CIAPIN1: variants seen among roughly 807,000 people sequenced by gnomAD.
CIAPIN1 encodes the protein cytokine induced apoptosis inhibitor 1.
Under a neutral mutation model 34.3 loss-of-function variants are expected in CIAPIN1, and 18 were observed. That is an observed-to-expected ratio of 0.52 (90% CI 0.36 to 0.78). The LOEUF (loss-of-function observed/expected upper bound fraction) is 0.78, where lower values mean the gene tolerates loss of function less well. CIAPIN1 is among the 30% of genes least tolerant of loss of function. CIAPIN1 has a pLI of 0.00. For missense variants in CIAPIN1, 310 were observed against 372.5 expected (o/e 0.83, Z 1.38); for synonymous variants, 131 against 140.4 (o/e 0.93, Z 0.47).
intron 6 of CIAPIN1, 61 bp from the exon 7 acceptor site, chr16:57,431,327 G>A: frequency 8.7e-7 from 1 of 1,147,848 alleles, no homozygotes; most frequent in South Asian, 1.3e-5. Context: ...AAAAGCTAAA[G>A]TGACTGCAGG....
intron 8 of CIAPIN1, 40 bp downstream of exon 8, chr16:57,430,218 T>C (rs1903056101): frequency 1.3e-6 from 2 of 1,561,050 alleles, no homozygotes; most frequent in African/African-American, 1.4e-5. Flanking sequence ...CTAATCCCCC[T>C]GGGGGTTTGT....
At chr16:57,439,154 C>T in intron 3 of CIAPIN1, 28 bp downstream of exon 3, 1 of 1,611,884 alleles carries the variant, frequency 6.2e-7, no homozygotes, top group Non-Finnish European at 8.5e-7. Flanking sequence ...CCCTGTCAAA[C>T]ATGTTTTCCA....
At chr16:57,443,140 T>G (rs1393006993) in intron 1 of CIAPIN1, among the ~76,000 whole-genome samples, 2 of 146,250 alleles carry the variant, frequency 1.4e-5, no homozygotes, top group African/African-American at 5.4e-5. Flanking sequence ...TTTGTTTTTT[T>G]TTTTTTTTTG....
intron 7 of CIAPIN1, among the ~76,000 whole-genome samples, chr16:57,430,911 C>A (rs1011229684): frequency 6.6e-6 from 1 of 151,968 alleles, no homozygotes; most frequent in Non-Finnish European, 1.5e-5. Flanking sequence ...CGGCTCACTG[C>A]AGCCTCGACC....
chr16:57,437,708 T>A (rs935079317), intron 3 of CIAPIN1, among the ~76,000 whole-genome samples: 1 of 151,986 alleles, frequency 6.6e-6, no homozygotes, highest in African/African-American at 2.4e-5. Flanking sequence ...GTATTTTTTG[T>A]AGAGACGGGG....
chr16:57,439,678 C>T (rs550991779), intron 2 of CIAPIN1, among the ~76,000 whole-genome samples: 9 of 152,206 alleles, frequency 5.9e-5, no homozygotes, highest in Non-Finnish European at 1.0e-4. Context: ...TAATTTCTTA[C>T]GCCTGTCTTT....
chr16:57,436,761 C>T, intron 3 of CIAPIN1, 29 bp from the exon 4 acceptor site: 1 of 1,582,864 alleles, frequency 6.3e-7, no homozygotes, highest in Non-Finnish European at 8.7e-7. Context: ...CAATTAATAG[C>T]TTTATAGTTC....
rs188138974 is a variant in CIAPIN1, at chr16:57,439,574, C to A, written c.158-240G>T. On this transcript the variant is annotated intron_variant, in intron 2 of 8. Transcript: ENST00000394391. ...AAGCTCTGCTGCAGGAAGTGAGGGA[C>A]CCCAAACGGAGGGACCGGCTGAAGC... 1.7e-4 allele frequency among the ~76,000 whole-genome samples: 26 copies of A among 152,340 alleles called. No homozygotes were observed. The East Asian group carries it at 5.0e-3, about 29-fold the overall frequency.
intron 8 of CIAPIN1, among the ~76,000 whole-genome samples, chr16:57,429,706 A>C (rs1209989422): frequency 6.6e-6 from 1 of 151,704 alleles, no homozygotes; most frequent in Admixed American, 6.6e-5. Context: ...GTTAGCCAGG[A>C]TGGTCTCGAT....
rs17375948 is a variant in CIAPIN1 at position 57,436,652 on chromosome 16, G to C, written c.387+4C>G. The C allele has an allele frequency of 0.052, 83,778 of 1,609,678 alleles. 2,558 individuals carry two copies. Among genetic ancestry groups the C allele is most frequent in the Middle Eastern group, 0.07 (422 of 6,046 alleles). The stretch of plus-strand genomic sequence containing the variant: ...GCAGCAAAGAAAGTTGTCTACAAAC[G>C]TACCTCTTTCACTTCCACAAGACCA... On this transcript the variant is annotated splice_donor_region_variant and intron_variant, in intron 4 of 8. Transcript: ENST00000394391.
chr16:57,439,851 G>A (rs932620963), intron 2 of CIAPIN1, among the ~76,000 whole-genome samples: 2 of 152,118 alleles, frequency 1.3e-5, no homozygotes, highest in African/African-American at 4.8e-5. Context: ...TGATGATTGC[G>A]TTAACTGCAC....
At chr16:57,445,957 C>A (rs1463044972) in intron 1 of CIAPIN1, among the ~76,000 whole-genome samples, 6 of 150,548 alleles carry the variant, frequency 4.0e-5, no homozygotes, top group African/African-American at 1.2e-4. Context: ...GCGATTCTCC[C>A]GCCTCAGCCT....
chr16:57,432,320 A>G (rs1441240963), intron 6 of CIAPIN1, among the ~76,000 whole-genome samples, 167 bp downstream of exon 6: 1 of 151,764 alleles, frequency 6.6e-6, no homozygotes, highest in East Asian at 1.9e-4. Flanking sequence ...CCAAAAAAAA[A>G]GCCACCAACA....
At chr16:57,432,353 G>T in intron 6 of CIAPIN1, 134 bp downstream of exon 6, 1 of 636,862 alleles carries the variant, frequency 1.6e-6, no homozygotes, top group Non-Finnish European at 2.7e-6. Context: ...CTAAATCAAA[G>T]ATGTGACAGG....
At chr16:57,447,288 G>A (rs191423425) in intron 1 of CIAPIN1, 54 bp downstream of exon 1, 4 of 399,534 alleles carry the variant, frequency 1.0e-5, no homozygotes, top group Non-Finnish European at 1.8e-5. Flanking sequence ...AGGGTGGGCC[G>A]GGAGGGGACA....
rs552502410 is a variant in CIAPIN1, at chr16:57,442,510, A to C, written c.-55-1527T>G. ...ACCCCATCTCTACTAAAAATACAAA[A>C]ATTAGCTGGGCGTGGTGACAGAATC... On this transcript the variant is annotated intron_variant, in intron 1 of 8. Transcript: ENST00000394391. 2.6e-5 allele frequency among the ~76,000 whole-genome samples: 4 copies of C among 151,782 alleles called. No homozygotes were observed. In the South Asian group the frequency reaches 8.3e-4, roughly 32 times the overall value.
At chr16:57,435,342 C>G (rs1903176133) in intron 4 of CIAPIN1, among the ~76,000 whole-genome samples, 1 of 152,140 alleles carries the variant, frequency 6.6e-6, no homozygotes, top group South Asian at 2.1e-4. Flanking sequence ...GAACAGTGAG[C>G]CAATTAAACC....
intron 1 of CIAPIN1, among the ~76,000 whole-genome samples, chr16:57,442,023 C>T (rs1487122055): frequency 2.6e-5 from 4 of 152,154 alleles, no homozygotes; most frequent in African/African-American, 4.8e-5. Context: ...TGAATTCAAG[C>T]GAAGTCACTA....
Position 57,431,205 on chromosome 16 carries a change from G to A in CIAPIN1, c.692C>T (p.Ser231Phe), listed in dbSNP as rs1158384696. Reference protein sequence around the residue: ...PEDLKKPDPASLRAASCGEGK... With the variant: ...PEDLKKPDPAFLRAASCGEGK... ...TTCCCCACAAGAAGCAGCCCGCAGG[G>A]AAGCTGGATCTGGCTTCTTCAAATC... Residue 231 changes from serine (S) to phenylalanine (F), a missense_variant, in exon 7 of 9, where the codon TCC becomes TTC. Physicochemically the swap from Ser to Phe is radical, Grantham distance 155. Coordinates refer to ENST00000394391, the MANE Select transcript of CIAPIN1 (RefSeq NM_020313.4). 6.2e-7 allele frequency: 1 copy of A among 1,613,834 alleles called. No homozygotes were observed.
Sources: allele counts gnomAD v4.1 joint callset (sites outside exome capture counted in the v4.1 genomes callset), GRCh38; gene constraint gnomAD v4.1.1; transcripts MANE v1.5; gene names NCBI Gene and HGNC (gene_info 2026-07-23, HGNC 2026-07-21).